The following NRG3 variants were observed in gnomAD, a reference collection of about 807,000 sequenced individuals.
The protein encoded by NRG3 is neuregulin 3.
In NRG3, 31 loss-of-function variants were observed where a neutral mutation model predicts 66.9. The observed-to-expected ratio is 0.46, with a 90% CI of 0.35 to 0.63. The LOEUF (loss-of-function observed/expected upper bound fraction) is 0.63, where lower values mean the gene tolerates loss of function less well. Among genes scored for constraint, NRG3 ranks in the 20% least tolerant of loss-of-function variants. The pLI is 0.00. For missense variants in NRG3, 910 were observed against 878.9 expected, an observed-to-expected ratio of 1.04 and a Z score of -0.45; for synonymous variants, 393 against 359.4, an observed-to-expected ratio of 1.09 and a Z score of -1.06.
intron 1 of NRG3, among the ~76,000 whole-genome samples, chr10:82,244,973 G>A (rs1299878139): frequency 6.6e-6 from 1 of 152,062 alleles, no homozygotes; most frequent in East Asian, 1.9e-4. Flanking sequence ...AGCTCAATCT[G>A]CCCTCCTCAG....
chr10:82,395,186 C>G (rs1038769962), intron 2 of NRG3, among the ~76,000 whole-genome samples: 1 of 152,172 alleles, frequency 6.6e-6, no homozygotes, highest in African/African-American at 2.4e-5. Context: ...AATGCAAGAT[C>G]AGCTGAAATT....
intron 1 of NRG3, among the ~76,000 whole-genome samples, chr10:82,053,003 AATTT>A (rs1453498858): frequency 6.6e-6 from 1 of 151,774 alleles, no homozygotes; most frequent in East Asian, 1.9e-4. Context: ...TTATTAATAA[AATTT>A]ATTAATTCAT....
intron 1 of NRG3, among the ~76,000 whole-genome samples, chr10:82,340,272 T>G (rs2135382133): frequency 6.6e-6 from 1 of 152,286 alleles, no homozygotes; most frequent in South Asian, 2.1e-4. Flanking sequence ...CAACCCACTC[T>G]CTAAGTCTTT....
At chr10:82,661,630 C>T (rs1049323785) in intron 2 of NRG3, among the ~76,000 whole-genome samples, 13 of 152,042 alleles carry the variant, frequency 8.6e-5, no homozygotes, top group African/African-American at 2.9e-4. Flanking sequence ...TGCGTGTGCA[C>T]ATGCACGCCT....
intron 1 of NRG3, among the ~76,000 whole-genome samples, chr10:82,172,136 A>G (rs2072669926): frequency 2.6e-5 from 4 of 152,120 alleles, no homozygotes; most frequent in Non-Finnish European, 5.9e-5. Context: ...CTATTGAGGA[A>G]GTGAGACTCA....
chr10:82,735,318 T>G (rs1246815586), intron 2 of NRG3, among the ~76,000 whole-genome samples: 2 of 152,166 alleles, frequency 1.3e-5, no homozygotes, highest in Non-Finnish European at 2.9e-5. Flanking sequence ...CATTGAGATT[T>G]TTCATATAAT....
intron 4 of NRG3, among the ~76,000 whole-genome samples, chr10:82,869,279 C>A (rs1267422563): frequency 2.6e-5 from 4 of 152,122 alleles, no homozygotes; most frequent in African/African-American, 9.7e-5. Flanking sequence ...TCTCACGTAT[C>A]TTCTGTCTTC....
intron 1 of NRG3, among the ~76,000 whole-genome samples, chr10:82,118,252 T>C (rs1443113822): frequency 6.6e-6 from 1 of 151,662 alleles, no homozygotes; most frequent in Non-Finnish European, 1.5e-5. Context: ...CTATATGTGC[T>C]CTGGAGCACA....
intron 1 of NRG3, among the ~76,000 whole-genome samples, chr10:81,976,949 T>G (rs1404284887): frequency 6.6e-6 from 1 of 152,208 alleles, no homozygotes; most frequent in African/African-American, 2.4e-5. Flanking sequence ...TATTTTTCCT[T>G]CCTCATAATG....
intron 1 of NRG3, among the ~76,000 whole-genome samples, chr10:82,239,042 T>C (rs919640518): frequency 6.6e-6 from 1 of 151,014 alleles, no homozygotes; most frequent in Non-Finnish European, 1.5e-5. Context: ...TAGATTTAGA[T>C]TTTTATTCCA....
chr10:82,732,099 T>G (rs527649666), intron 2 of NRG3, among the ~76,000 whole-genome samples: 9 of 152,186 alleles, frequency 5.9e-5, no homozygotes, highest in Non-Finnish European at 1.2e-4. Context: ...TTTTAAAACA[T>G]TAAAACATCA....
intron 2 of NRG3, among the ~76,000 whole-genome samples, chr10:82,617,225 C>T (rs1245731850): frequency 6.6e-6 from 1 of 151,128 alleles, no homozygotes; most frequent in African/African-American, 2.4e-5. Flanking sequence ...CATATACACA[C>T]ACCACACACA....
chr10:82,189,146 T>C (rs1312164031), intron 1 of NRG3, among the ~76,000 whole-genome samples: 3 of 152,140 alleles, frequency 2.0e-5, no homozygotes, highest in Non-Finnish European at 4.4e-5. Context: ...TAACTCTCCT[T>C]TTACTCTCTG....
chr10:82,229,962 G>A (rs1453362027), intron 1 of NRG3, among the ~76,000 whole-genome samples: 4 of 152,078 alleles, frequency 2.6e-5, no homozygotes, highest in Non-Finnish European at 4.4e-5. Context: ...TAAAACAATT[G>A]TCAGGATAGA....
At chr10:82,243,369 A>G (rs2077087005) in intron 1 of NRG3, among the ~76,000 whole-genome samples, 1 of 152,210 alleles carries the variant, frequency 6.6e-6, no homozygotes, top group Non-Finnish European at 1.5e-5. Flanking sequence ...AATGGAGAAG[A>G]CATAATCAAA....
intron 3 of NRG3, among the ~76,000 whole-genome samples, chr10:82,858,942 C>CTTTTTTTT (rs534067829): frequency 5.6e-5 from 7 of 124,236 alleles, no homozygotes; most frequent in Non-Finnish European, 8.2e-5. Context: ...AGTAGTCTAA[C>CTTTTTTTT]TTTTTTTTTT....
At chr10:82,374,442 T>A (rs2085081910) in intron 2 of NRG3, among the ~76,000 whole-genome samples, 1 of 152,190 alleles carries the variant, frequency 6.6e-6, no homozygotes, top group African/African-American at 2.4e-5. Flanking sequence ...AAGGCCATGG[T>A]TATAAATATA....
intron 1 of NRG3, among the ~76,000 whole-genome samples, chr10:81,907,709 C>G (rs991399125): frequency 6.6e-5 from 10 of 152,082 alleles, no homozygotes; most frequent in African/African-American, 2.4e-4. Context: ...AAATTTGGAG[C>G]TGGGTTGTAC....
At chr10:82,833,604 CA>C (rs1302508320) in intron 3 of NRG3, among the ~76,000 whole-genome samples, 1 of 152,140 alleles carries the variant, frequency 6.6e-6, no homozygotes, top group Non-Finnish European at 1.5e-5. Context: ...GCCGACCTTC[CA>C]ATACCGATCC....
Sources: allele counts gnomAD v4.1 joint callset (sites outside exome capture counted in the v4.1 genomes callset), GRCh38; gene constraint gnomAD v4.1.1; transcripts MANE v1.5; gene names NCBI Gene and HGNC (gene_info 2026-07-23, HGNC 2026-07-21).